The following KCNC4 variants were observed in gnomAD, a reference collection of about 807,000 sequenced individuals.
KCNC4 encodes voltage-gated potassium channel KCNC4.
A neutral mutation model predicts 42.8 loss-of-function variants in KCNC4; 23 were observed. The observed-to-expected ratio is 0.54, with a 90% CI of 0.39 to 0.76. The LOEUF (loss-of-function observed/expected upper bound fraction) is 0.76. Ranked by LOEUF, KCNC4 falls within the 30% of genes least tolerant of loss-of-function variation. The pLI, the probability that KCNC4 is intolerant of heterozygous loss-of-function variation, is 0.00. For missense variants in KCNC4, 751 were observed against 898.2 expected, an observed-to-expected ratio of 0.84 and a Z score of 2.10; for synonymous variants, 422 against 393.5, an observed-to-expected ratio of 1.07 and a Z score of -0.86.
chr1:110,221,526 T>G (rs907824146), intron 1 of KCNC4: 2 of 152,300 alleles, frequency 1.3e-5, no homozygotes, highest in Non-Finnish European at 2.9e-5. Flanking sequence ...TTGCTTCATT[T>G]TCCCAGGTCC....
chr1:110,212,871 C>T (rs559408277), intron 1 of KCNC4, among the ~76,000 whole-genome samples: 43 of 152,160 alleles, frequency 2.8e-4, no homozygotes, highest in East Asian at 7.7e-4. Flanking sequence ...GAATTAAACA[C>T]GAAGGGCCTA....
At chr1:110,218,419 C>T (rs138637191) in intron 1 of KCNC4, among the ~76,000 whole-genome samples, 184 of 152,288 alleles carry the variant, frequency 1.2e-3, no homozygotes, top group African/African-American at 3.9e-3. Flanking sequence ...TCAGGTGTCA[C>T]CTTGTCATTA....
chr1:110,229,738 G>A (rs1281721836), intron 3 of KCNC4, among the ~76,000 whole-genome samples: 1 of 152,190 alleles, frequency 6.6e-6, no homozygotes, highest in African/African-American at 2.4e-5. Context: ...GAGGGGAAGT[G>A]TGGGGACAGA....
At chr1:110,248,681 TTAACTG>T (rs1659199486) in exon 4 of KCNC4, 2 of 152,250 alleles carry the variant, frequency 1.3e-5, no homozygotes, top group South Asian at 4.1e-4. Context: ...TATTCATACT[TTAACTG>T]TATGAGACTT....
chr1:110,252,650 A>G (rs1296424098), downstream of KCNC4, among the ~76,000 whole-genome samples: 1 of 152,192 alleles, frequency 6.6e-6, no homozygotes, highest in Non-Finnish European at 1.5e-5. Context: ...CTGGTACAAT[A>G]TCACATTCAT....
intron 1 of KCNC4, among the ~76,000 whole-genome samples, chr1:110,281,053 C>G (rs1339111631): frequency 6.6e-6 from 1 of 152,160 alleles, no homozygotes. Context: ...TAGGTTCAGG[C>G]TCCCTGTGGT....
chr1:110,254,025 G>A (rs2101069083), downstream of KCNC4, among the ~76,000 whole-genome samples: 1 of 151,424 alleles, frequency 6.6e-6, no homozygotes, highest in East Asian at 1.9e-4. Flanking sequence ...CTAGCAGGAA[G>A]GGGAAGGAAA....
At chr1:110,276,299 C>CAAAAAAAAA (rs3062031) in intron 1 of KCNC4, among the ~76,000 whole-genome samples, 1 of 98,886 alleles carries the variant, frequency 1.0e-5, no homozygotes, top group Non-Finnish European at 2.1e-5. Flanking sequence ...TCAATTTATA[C>CAAAAAAAAA]AAAAAAAAAA....
intron 1 of KCNC4, chr1:110,221,701 G>A (rs578030543): frequency 1.3e-5 from 2 of 152,232 alleles, no homozygotes; most frequent in Non-Finnish European, 2.9e-5. Flanking sequence ...GGGTAGGTCA[G>A]GCAGGCATGG....
At position 110,211,325 on chromosome 1, in the gene KCNC4, C is replaced by T. The variant is rs946011162; in HGVS notation, c.-175C>T. 1.0e-5 allele frequency: 10 copies of T among 954,196 alleles called. No homozygotes were observed. The Middle Eastern group carries it at 1.0e-3, about 96-fold the overall frequency. 59.1% of individuals were successfully genotyped at this position (954,196 alleles called of 1,614,324 possible). On this transcript the variant is annotated 5_prime_UTR_variant, in exon 1 of 4. Transcript: ENST00000438661. The surrounding 1 kb of genome is among the most constrained non-coding windows in gnomAD (Gnocchi z 6.5). ...CCTGTGTACCGGAGAAATCCAACTC[C>T]TCCCGCTCCGCGTCCTAGGGGGATA...
chr1:110,261,108 T>A (rs1171485646), intron 1 of KCNC4, among the ~76,000 whole-genome samples: 5 of 152,144 alleles, frequency 3.3e-5, no homozygotes, highest in Non-Finnish European at 7.4e-5. Context: ...GAAGAAAAAC[T>A]TTCTCAATTT....
downstream of KCNC4, among the ~76,000 whole-genome samples, chr1:110,253,076 C>T (rs1659272396): frequency 6.6e-6 from 1 of 152,186 alleles, no homozygotes; most frequent in Non-Finnish European, 1.5e-5. Context: ...CTTCCCCAGC[C>T]CCATCTTCTC....
chr1:110,234,435 A>G (rs935361889), downstream of KCNC4: 1 of 152,224 alleles, frequency 6.6e-6, no homozygotes, highest in Non-Finnish European at 1.5e-5. Context: ...GGGGACGCCA[A>G]AGTTATTGGC....
chr1:110,265,412 TAA>T (rs201039204), intron 1 of KCNC4, among the ~76,000 whole-genome samples: 33 of 96,236 alleles, frequency 3.4e-4, no homozygotes, highest in African/African-American at 1.9e-3. Flanking sequence ...TAAAATAAAA[TAA>T]AATAAAATAT....
intron 1 of KCNC4, among the ~76,000 whole-genome samples, chr1:110,268,610 G>GAA (rs1177241176): frequency 0.11 from 9,356 of 82,040 alleles, 794 homozygotes; most frequent in Admixed American, 0.21. Flanking sequence ...TGTCTCAAAA[G>GAA]AAAAAAAAAA....
intron 3 of KCNC4, among the ~76,000 whole-genome samples, chr1:110,227,207 G>A (rs35017092): frequency 3.6e-3 from 549 of 152,318 alleles, no homozygotes; most frequent in Non-Finnish European, 6.2e-3. Context: ...AAACTAGGTT[G>A]AGTGAGGAAG....
intron 3 of KCNC4, 139 bp from the exon 4 acceptor site, chr1:110,232,772 G>GC: frequency 6.5e-7 from 1 of 1,537,994 alleles, no homozygotes. Flanking sequence ...CTGTGGGTCA[G>GC]CAGCTGGCTT....
At position 110,210,914 on chromosome 1, in the gene KCNC4, C is replaced by T. The variant is rs1657403564; in HGVS notation, c.-586C>T. On this transcript the variant is annotated 5_prime_UTR_variant, in exon 1 of 4. Transcript: ENST00000438661. ...GGGGGGAAGAGGCCACATGCCGCCGCCGCCGCCTCGTGTTGACCGCAAGCA... is the reference window on the plus strand; with the variant it reads ...GGGGGGAAGAGGCCACATGCCGCCGTCGCCGCCTCGTGTTGACCGCAAGCA... Among the ~76,000 whole-genome samples the T allele has an allele frequency of 1.3e-5, 2 of 152,224 alleles. No homozygotes were observed. Among genetic ancestry groups the T allele is most frequent in the South Asian group, 2.1e-4 (1 of 4,838 alleles).
exon 4 of KCNC4, chr1:110,246,457 A>G (rs1659147582): frequency 6.6e-6 from 1 of 152,230 alleles, no homozygotes; most frequent in Non-Finnish European, 1.5e-5. Flanking sequence ...TTGCTAAAAG[A>G]CAAGTCTCCT....
Sources: allele counts gnomAD v4.1 joint callset (sites outside exome capture counted in the v4.1 genomes callset), GRCh38; gene constraint gnomAD v4.1.1; non-coding constraint Gnocchi (gnomAD v3.1); transcripts MANE v1.5; gene names NCBI Gene and HGNC (gene_info 2026-07-23, HGNC 2026-07-21).